NCBP1: variants seen among roughly 807,000 people sequenced by gnomAD.
The protein encoded by NCBP1 is nuclear cap-binding protein subunit 1.
Under a neutral mutation model 111.7 loss-of-function variants are expected in NCBP1, and 16 were observed. The observed-to-expected ratio is 0.14, with a 90% confidence interval of 0.10 to 0.22. NCBP1 has a LOEUF of 0.22. Among genes scored for constraint, NCBP1 ranks in the 10% least tolerant of loss-of-function variants. The pLI is 1.00. For synonymous variants in NCBP1, 304 were observed against 314.3 expected (o/e 0.97, Z 0.35); for missense variants, 607 against 957.5 (o/e 0.63, Z 4.83).
At chr9:97,667,224 T>C (rs937563944) in intron 20 of NCBP1, among the ~76,000 whole-genome samples, 2 of 152,122 alleles carry the variant, frequency 1.3e-5, no homozygotes, top group Admixed American at 6.6e-5. Flanking sequence ...GGGAGAGGAC[T>C]ATAGATACTT....
chr9:97,664,309 G>A, intron 18 of NCBP1, 31 bp from the exon 19 acceptor site: 1 of 1,370,372 alleles, frequency 7.3e-7, no homozygotes, highest in Non-Finnish European at 1.0e-6. Flanking sequence ...ATGTGTGTGT[G>A]TGATTTACTT....
chr9:97,655,804 AACT>A (rs1564024417), intron 13 of NCBP1, 40 bp downstream of exon 13: 2 of 1,544,996 alleles, frequency 1.3e-6, no homozygotes, highest in Non-Finnish European at 8.8e-7. Context: ...GTAGTCAAAA[AACT>A]ACTAATGTTT....
chr9:97,639,545 A>G (rs2131332273), intron 1 of NCBP1, among the ~76,000 whole-genome samples: 1 of 152,310 alleles, frequency 6.6e-6, no homozygotes, highest in South Asian at 2.1e-4. Context: ...GTAACTTGCT[A>G]CTGTGTAACC....
At chr9:97,641,758 T>G (rs1304139365) in intron 3 of NCBP1, 96 bp downstream of exon 3, 15 of 1,205,238 alleles carry the variant, frequency 1.2e-5, no homozygotes, top group Non-Finnish European at 1.6e-5. Flanking sequence ...ATGTTCTATA[T>G]GTCCTTGGCT....
At chr9:97,647,631 TACTC>T in intron 7 of NCBP1, 70 bp downstream of exon 7, 1 of 1,271,078 alleles carries the variant, frequency 7.9e-7, no homozygotes. Flanking sequence ...CTCTGTAAGA[TACTC>T]AGACCATTCC....
chr9:97,645,302 G>T, intron 5 of NCBP1, 78 bp downstream of exon 5: 1 of 1,159,974 alleles, frequency 8.6e-7, no homozygotes, highest in Non-Finnish European at 1.3e-6. Flanking sequence ...ATAGTACCAG[G>T]AATTTTTCGC....
At position 97,645,321 on chromosome 9, in the gene NCBP1, C is replaced by T. The variant is rs1216422493; in HGVS notation, c.489+97C>T. ...TACCAGGAATTTTTCGCTGATAACC[C>T]ATTAGCAATAAAGAAAAAAATAACA... On this transcript the variant is annotated intron_variant, in intron 5 of 22. Coordinates refer to ENST00000375147, the MANE Select transcript of NCBP1 (RefSeq NM_002486.5). 6.2e-6 allele frequency: 6 copies of T among 968,500 alleles called. No individual in the cohort carries two copies. In the African/African-American group the frequency reaches 9.9e-5, roughly 16 times the overall value. 60.0% of individuals were successfully genotyped at this position (968,500 alleles called of 1,614,324 possible).
chr9:97,642,845 G>A (rs1252663488), intron 3 of NCBP1, among the ~76,000 whole-genome samples: 4 of 151,930 alleles, frequency 2.6e-5, no homozygotes, highest in Non-Finnish European at 4.4e-5. Context: ...GTTTCACCCA[G>A]GATTTCTGAG....
chr9:97,666,886 T>C lies in NCBP1; in HGVS notation c.2016+9T>C, dbSNP rs771348793. On this transcript the variant is annotated intron_variant, in intron 20 of 22. Coordinates refer to ENST00000375147, the MANE Select transcript of NCBP1 (RefSeq NM_002486.5). The stretch of plus-strand genomic sequence containing the variant: ...CTAGGCAACACAAACGGGTAAGTTT[T>C]GTGTAAACTTGTAAGTAGTTAAAGA... The C allele has an allele frequency of 6.5e-7, 1 of 1,547,768 alleles. No individual in the cohort carries two copies. The highest frequency in any genetic ancestry group is 1.4e-5 in the African/African-American group (1 of 72,346).
rs769033892 is a variant in NCBP1, at chr9:97,662,989, A to G, written c.1739A>G (p.Asp580Gly). The G allele has an allele frequency of 2.5e-6, 4 of 1,613,304 alleles. No individual in the cohort carries two copies. The highest frequency in any genetic ancestry group is 3.4e-6 in the Non-Finnish European group (4 of 1,179,724). The change falls in exon 18 of 23, where the codon GAT becomes GGT. Residue 580 changes from aspartate to glycine, a missense_variant. By Grantham distance (94) the Asp-to-Gly change is moderately conservative. Around this residue, in one of 9 missense-constraint regions of NCBP1, gnomAD observed 282 missense variants for 376.5 expected, o/e 0.75. Coordinates refer to ENST00000375147, the MANE Select transcript of NCBP1 (RefSeq NM_002486.5). The part of the protein sequence containing the change: ...HEVFKTLAES[D>G]EGKLHVLRVM... ...GTCTTCAAAACCCTAGCTGAAAGTG[A>G]TGAAGGAAAGTTACATGTGCTAAGA...
Position 97,663,412 on chromosome 9 carries a change from A to G in NCBP1, c.1797+365A>G, listed in dbSNP as rs150016530. On this transcript the variant is annotated intron_variant, in intron 18 of 22. Coordinates refer to ENST00000375147, the MANE Select transcript of NCBP1 (RefSeq NM_002486.5). Reference sequence around the variant, plus strand: ...ATAAAACAGTGAGTGTGTAATGATAAAACATTGTTTTACATTTAACTTCTG... The same window carrying G: ...ATAAAACAGTGAGTGTGTAATGATAGAACATTGTTTTACATTTAACTTCTG... Among the ~76,000 whole-genome samples, 26 of 152,338 alleles carry G rather than the reference A, an allele frequency of 1.7e-4. No individual in the cohort carries two copies. In the East Asian group the frequency reaches 4.8e-3, roughly 28 times the overall value.
In NCBP1 at chr9:97,645,223, A is replaced by T. The variant is rs1157885895; in HGVS notation, c.488A>T (p.Gln163Leu). Residue 163 changes from glutamine (Q) to leucine (L), a missense_variant and splice_region_variant, in exon 5 of 23, where the codon CAG (glutamine) becomes CTG (leucine). Physicochemically the swap from Gln to Leu is moderately radical, Grantham distance 113 (BLOSUM62 -2). Coordinates refer to ENST00000375147, the MANE Select transcript of NCBP1 (RefSeq NM_002486.5). ...GTAACTCAGGAAGAAGATGTACCTC[A>T]GGTAAGAGAACCCCTCATGCTGAAT... Reference protein sequence around the residue: ...VSVTQEEDVPQVRRDWYVYAF... With the variant: ...VSVTQEEDVPLVRRDWYVYAF... 6.2e-7 allele frequency: 1 copy of T among 1,605,518 alleles called. No individual in the cohort carries two copies. Among genetic ancestry groups the T allele is most frequent in the Non-Finnish European group, 8.5e-7 (1 of 1,172,544 alleles).
intron 17 of NCBP1, 83 bp downstream of exon 17, chr9:97,662,227 T>C: frequency 9.9e-7 from 1 of 1,013,036 alleles, no homozygotes; most frequent in Admixed American, 1.8e-5. Context: ...TTACCTAAGA[T>C]TGTTGAATAT....
At chr9:97,658,595 G>A (rs1372252482) in intron 14 of NCBP1, 45 bp from the exon 15 acceptor site, 6 of 1,432,008 alleles carry the variant, frequency 4.2e-6, no homozygotes, top group Non-Finnish European at 5.9e-6. Context: ...ACCGAAGAAT[G>A]GGACTGATAA....
At chr9:97,657,513 C>T (rs1422634695) in intron 14 of NCBP1, among the ~76,000 whole-genome samples, 1 of 152,180 alleles carries the variant, frequency 6.6e-6, no homozygotes, top group African/African-American at 2.4e-5. Flanking sequence ...TCCTGATCCA[C>T]CTGGTCATGT....
intron 1 of NCBP1, chr9:97,634,670 C>T (rs1826946996): frequency 6.6e-6 from 1 of 152,198 alleles, no homozygotes; most frequent in Non-Finnish European, 1.5e-5. Context: ...GCTTATATTA[C>T]ACATAAGCCT....
chr9:97,671,560 C>T lies in NCBP1; in HGVS notation c.*361C>T, dbSNP rs1828194242. On this transcript the variant is annotated 3_prime_UTR_variant, in exon 23 of 23. Transcript: ENST00000375147. The stretch of plus-strand genomic sequence containing the variant: ...GAACTGATGGGTTTACCCAGCTACC[C>T]AGTAGCATAACTTTTCACAGCTCGG... The T allele has an allele frequency of 6.2e-6, 1 of 162,454 alleles. No homozygotes were observed. Among genetic ancestry groups the T allele is most frequent in the African/African-American group, 2.4e-5 (1 of 41,886 alleles). The allele number at this position is 162,454 out of a possible 1,614,324, so 10.1% of individuals were successfully genotyped here. A position where few individuals can be genotyped will look rare whatever the true frequency, so the allele number is the denominator to read the frequency against.
chr9:97,644,495 CTT>C (rs1339597892), intron 4 of NCBP1, among the ~76,000 whole-genome samples: 1 of 152,132 alleles, frequency 6.6e-6, no homozygotes, highest in Non-Finnish European at 1.5e-5. Context: ...CTTAATTTGC[CTT>C]TTAGTGTGGG....
At chr9:97,648,266 A>C in intron 8 of NCBP1, 43 bp downstream of exon 8, 1 of 1,575,704 alleles carries the variant, frequency 6.3e-7, no homozygotes, top group Non-Finnish European at 8.7e-7. Context: ...CCTGTGTTGC[A>C]TTGTGCTTGT....
Sources: allele counts gnomAD v4.1 joint callset (sites outside exome capture counted in the v4.1 genomes callset), GRCh38; gene constraint gnomAD v4.1.1; regional missense constraint gnomAD v4.1.1; transcripts MANE v1.5; gene names NCBI Gene and HGNC (gene_info 2026-07-23, HGNC 2026-07-21).